The following TRRAP variants were observed in gnomAD, a reference collection of about 807,000 sequenced individuals.
TRRAP encodes transformation/transcription domain-associated protein.
In TRRAP, 41 loss-of-function variants were observed where a neutral mutation model predicts 438.8. The ratio of observed to expected loss-of-function variants is 0.09; its 90% CI spans 0.07 to 0.12. The LOEUF (loss-of-function observed/expected upper bound fraction) is 0.12, where lower values mean the gene tolerates loss of function less well. TRRAP is among the 10% of genes least tolerant of loss of function. The pLI, the probability that TRRAP is intolerant of heterozygous loss-of-function variation, is 1.00. For missense variants in TRRAP, 3,122 were observed against 5,055.1 expected (o/e 0.62, Z 11.60); for synonymous variants, 1,994 against 1,962.9 (o/e 1.02, Z -0.42).
rs779900960 is a variant in TRRAP, at chr7:99,011,568, G to T, written c.11337+33G>T. ...TCCACGTCGTCCTATCACAGGCGCA[G>T]GCTAGAGCCACTCAGATGCCCGCGC... On this transcript the variant is annotated intron_variant, in intron 72 of 72. Coordinates refer to ENST00000456197, the MANE Select transcript of TRRAP (RefSeq NM_001375524.1). The surrounding 1 kb of genome is among the most constrained non-coding windows in gnomAD (Gnocchi z 7.1). 1 of 1,596,794 alleles carries T rather than the reference G, an allele frequency of 6.3e-7. No individual in the cohort carries two copies. The highest frequency in any genetic ancestry group is 1.7e-5 in the Admixed American group (1 of 57,392).
chr7:98,956,000 A>G (rs1791582024), intron 41 of TRRAP, 146 bp from the exon 42 acceptor site: 1 of 1,028,626 alleles, frequency 9.7e-7, no homozygotes, highest in East Asian at 2.6e-5. Flanking sequence ...GTTAGGATTC[A>G]GAATTCTTGA....
chr7:98,896,645 G>A (rs1479109256), intron 7 of TRRAP, among the ~76,000 whole-genome samples: 1 of 151,884 alleles, frequency 6.6e-6, no homozygotes. Flanking sequence ...CAGCCTCCCA[G>A]AGTGCTGGGA....
At position 99,011,664 on chromosome 7, in the gene TRRAP, T is replaced by G; in HGVS notation, c.11337+129T>G. The G allele has an allele frequency of 9.2e-7, 1 of 1,090,006 alleles. No homozygotes were observed. Among genetic ancestry groups the G allele is most frequent in the Non-Finnish European group, 1.3e-6 (1 of 775,338 alleles). 67.5% of individuals were successfully genotyped at this position (1,090,006 alleles called of 1,614,324 possible). A position where few individuals can be genotyped will look rare whatever the true frequency, so the allele number is the denominator to read the frequency against. On this transcript the variant is annotated intron_variant, in intron 72 of 72. Transcript: ENST00000456197. The surrounding 1 kb of genome is among the most constrained non-coding windows in gnomAD (Gnocchi z 7.1). ...CTCTCCACAGTGGCCAGCACCCCTG[T>G]GTGTTATGTCCTTTGCTGTGAGGGC...
At chr7:98,989,965 C>T (rs1438502439) in intron 63 of TRRAP, among the ~76,000 whole-genome samples, 9 of 152,184 alleles carry the variant, frequency 5.9e-5, no homozygotes, top group Admixed American at 1.3e-4. Context: ...TGGTGGCTCA[C>T]GCTTGTAAAC....
chr7:98,899,818 ATACACTT>A, intron 10 of TRRAP, 51 bp downstream of exon 10: 1 of 1,582,280 alleles, frequency 6.3e-7, no homozygotes, highest in Non-Finnish European at 8.7e-7. Flanking sequence ...CCAAGTAAAA[ATACACTT>A]GCTGTTGTCA....
At chr7:98,937,494 A>G (rs1554414545) in intron 29 of TRRAP, among the ~76,000 whole-genome samples, 156 bp from the exon 30 acceptor site, 1 of 152,246 alleles carries the variant, frequency 6.6e-6, no homozygotes, top group South Asian at 2.1e-4. Context: ...ATAAGTCTCC[A>G]TCATTTCGTC....
chr7:98,993,997 A>G (rs995454886), intron 66 of TRRAP, among the ~76,000 whole-genome samples: 4 of 152,234 alleles, frequency 2.6e-5, no homozygotes, highest in Admixed American at 6.5e-5. Flanking sequence ...CATGTCCCTG[A>G]GCTCAGTGAC....
chr7:98,967,444 G>T (rs1792206337), intron 50 of TRRAP, 41 bp from the exon 51 acceptor site: 2 of 1,600,896 alleles, frequency 1.2e-6, no homozygotes, highest in Non-Finnish European at 8.5e-7. Flanking sequence ...ATATGACTTG[G>T]GGAGTCCATC....
In TRRAP at chr7:98,955,319, C is replaced by T. The variant is rs782605459; in HGVS notation, c.5937+15C>T. Reference sequence around the variant, plus strand: ...AACACTTCAAGGTGTGTAGGAGGGACGGTGGGCTGCGGGGCGCGCGTCTTC... The same window carrying T: ...AACACTTCAAGGTGTGTAGGAGGGATGGTGGGCTGCGGGGCGCGCGTCTTC... On this transcript the variant is annotated intron_variant, in intron 41 of 72. Transcript: ENST00000456197. The T allele has an allele frequency of 2.0e-5, 32 of 1,592,472 alleles. No individual in the cohort carries two copies. The highest frequency in any genetic ancestry group is 6.8e-5 in the Admixed American group (4 of 59,224).
chr7:98,916,130 T>C (rs1233511869), intron 19 of TRRAP, among the ~76,000 whole-genome samples: 1 of 152,016 alleles, frequency 6.6e-6, no homozygotes, highest in Non-Finnish European at 1.5e-5. Flanking sequence ...GAATGGGATT[T>C]AGGTGTTAGT....
At chr7:98,892,559 A>G (rs1195035215) in intron 5 of TRRAP, 31 bp downstream of exon 5, 1 of 1,505,248 alleles carries the variant, frequency 6.6e-7, no homozygotes, top group Non-Finnish European at 9.1e-7. Context: ...CTTGTCGTAT[A>G]GCCGTATGTA....
Position 98,910,075 on chromosome 7 carries a change from A to G in TRRAP, c.1370A>G (p.His457Arg). ...CGTTAGGTTTTCGTTCTCAAATTCC[A>G]CACAATTGCTCGGTACCAGCTCTCT... The part of the protein sequence containing the change: ...RMLEVFVLKF[H>R]TIARYQLSAI... Residue 457 changes from histidine (H) to arginine (R), a missense_variant, in exon 15 of 73, where the codon CAC (histidine) becomes CGC (arginine). By Grantham distance (29) the His-to-Arg change is conservative. Coordinates refer to ENST00000456197, the MANE Select transcript of TRRAP (RefSeq NM_001375524.1). 1 of 1,541,766 alleles carries G rather than the reference A, an allele frequency of 6.5e-7. No homozygotes were observed. Among genetic ancestry groups the G allele is most frequent in the Non-Finnish European group, 8.7e-7 (1 of 1,145,394 alleles).
intron 22 of TRRAP, among the ~76,000 whole-genome samples, chr7:98,926,869 A>T (rs550294147): frequency 1.6e-4 from 25 of 151,978 alleles, no homozygotes; most frequent in African/African-American, 6.0e-4. Flanking sequence ...TACAAAAAAA[A>T]TTAGCTGGGC....
intron 30 of TRRAP, 107 bp downstream of exon 30, chr7:98,937,927 C>G (rs1790627156): frequency 7.8e-7 from 1 of 1,287,746 alleles, no homozygotes; most frequent in East Asian, 2.9e-5. Context: ...GTAATCCCAG[C>G]ACTTTGGGAG....
Position 98,976,073 on chromosome 7 carries a change from G to C in TRRAP, c.7840-76G>C. 4 of 1,566,988 alleles carry C rather than the reference G, an allele frequency of 2.6e-6. No individual in the cohort carries two copies. Among genetic ancestry groups the C allele is most frequent in the Non-Finnish European group, 2.6e-6 (3 of 1,151,350 alleles). On this transcript the variant is annotated intron_variant, in intron 53 of 72. Coordinates refer to ENST00000456197, the MANE Select transcript of TRRAP (RefSeq NM_001375524.1). The surrounding 1 kb of genome is among the most constrained non-coding windows in gnomAD (Gnocchi z 4.6). ...ATCGGTAATGTATGAGACAGATCAT[G>C]GGTGTCTTCTGAGCGTGGTTGTGCG...
chr7:98,912,635 A>G (rs1446803349), intron 18 of TRRAP, among the ~76,000 whole-genome samples: 1 of 151,674 alleles, frequency 6.6e-6, no homozygotes, highest in East Asian at 1.9e-4. Flanking sequence ...TTTTAAACCT[A>G]TTTTCTTTTT....
chr7:99,000,963 C>T lies in TRRAP; in HGVS notation c.10310-3227C>T, dbSNP rs182906641. Among the ~76,000 whole-genome samples, 71 of 152,362 alleles carry T rather than the reference C, an allele frequency of 4.7e-4. 1 individual carries two copies. In the South Asian group the frequency reaches 8.3e-3, roughly 18 times the overall value. On this transcript the variant is annotated intron_variant, in intron 67 of 72. Transcript: ENST00000456197. ...CTTTTGTAATGATCTTTGCCACGTTCTTTCTTCACTGATGGGTTAAATCGT... is the reference window on the plus strand; with the variant it reads ...CTTTTGTAATGATCTTTGCCACGTTTTTTCTTCACTGATGGGTTAAATCGT...
chr7:98,922,313 C>G (rs370419165), intron 21 of TRRAP, among the ~76,000 whole-genome samples: 2 of 152,228 alleles, frequency 1.3e-5, no homozygotes, highest in Non-Finnish European at 2.9e-5. Flanking sequence ...CTCCCATTCT[C>G]TATCCAAACG....
chr7:98,979,020 T>C (rs1792792157), intron 58 of TRRAP, 116 bp downstream of exon 58: 1 of 1,361,888 alleles, frequency 7.3e-7, no homozygotes, highest in Non-Finnish European at 1.0e-6. Flanking sequence ...AGACAGCTTT[T>C]GGGAAGGAAA....
Sources: gnomAD v4.1 joint callset for allele counts (sites outside exome capture counted in the v4.1 genomes callset) on GRCh38, gnomAD v4.1.1 for gene constraint, Gnocchi (gnomAD v3.1) non-coding constraint, MANE v1.5 for transcripts, NCBI Gene and HGNC (gene_info 2026-07-23, HGNC 2026-07-21) for gene names.